Variants in DEFB110 observed in about 807,000 individuals in gnomAD.
The protein encoded by DEFB110 is beta-defensin 110.
In DEFB110, 4 loss-of-function variants were observed where a neutral mutation model predicts 2.5. The observed-to-expected ratio is 1.60, with a 90% CI of 0.79 to 3.66. The LOEUF (loss-of-function observed/expected upper bound fraction) is 3.66. Ranked by LOEUF, DEFB110 falls within the 30% of genes most tolerant of loss-of-function variation. The pLI, the probability that DEFB110 is intolerant of heterozygous loss-of-function variation, is 0.01. For synonymous variants in DEFB110, 29 were observed against 21.8 expected, an observed-to-expected ratio of 1.33 and a Z score of -0.92; for missense variants, 94 against 75.4, an observed-to-expected ratio of 1.25 and a Z score of -0.91.
intron 1 of DEFB110, among the ~76,000 whole-genome samples, chr6:50,020,376 T>A (rs555460309): frequency 6.6e-6 from 1 of 152,118 alleles, no homozygotes; most frequent in Non-Finnish European, 1.5e-5. Flanking sequence ...AGTCAAAATT[T>A]TTTTATTTTA....
At chr6:50,009,528 T>C (rs1005575995) in intron 1 of DEFB110, among the ~76,000 whole-genome samples, 1 of 152,200 alleles carries the variant, frequency 6.6e-6, no homozygotes, top group African/African-American at 2.4e-5. Flanking sequence ...TGGCTCAGTC[T>C]ACAGTAACAA....
intron 1 of DEFB110, among the ~76,000 whole-genome samples, chr6:50,009,554 C>G (rs540701763): frequency 1.2e-4 from 19 of 152,262 alleles, no homozygotes; most frequent in Admixed American, 3.9e-4. Context: ...AAGTGACACA[C>G]AATTTGGTAC....
intron 1 of DEFB110, 65 bp downstream of exon 1, chr6:50,021,816 T>C (rs1774422458): frequency 1.4e-5 from 20 of 1,428,942 alleles, no homozygotes; most frequent in Non-Finnish European, 1.8e-5. Flanking sequence ...ATATTTTTTA[T>C]CAAGAAACAA....
chr6:50,014,296 G>T (rs1476005224), downstream of DEFB110, among the ~76,000 whole-genome samples: 4 of 151,750 alleles, frequency 2.6e-5, no homozygotes, highest in East Asian at 7.7e-4. Context: ...AATTTATGGT[G>T]GGAAGAGTGT....
downstream of DEFB110, among the ~76,000 whole-genome samples, chr6:50,016,564 G>T (rs1774320339): frequency 6.6e-6 from 1 of 151,604 alleles, no homozygotes; most frequent in Middle Eastern, 3.4e-3. Context: ...CCTTCCTTTT[G>T]TTAATAAATT....
exon 2 of DEFB110, chr6:50,009,220 C>T (rs757950591): frequency 4.4e-6 from 7 of 1,608,390 alleles, no homozygotes; most frequent in Admixed American, 3.4e-5. Context: ...ACATATTCCT[C>T]TCACTTTTTC....
At chr6:50,013,404 G>A (rs924211317) in intron 1 of DEFB110, among the ~76,000 whole-genome samples, 1 of 151,902 alleles carries the variant, frequency 6.6e-6, no homozygotes, top group Admixed American at 6.6e-5. Context: ...TGACCTTTTA[G>A]CACAATAGAA....
downstream of DEFB110, among the ~76,000 whole-genome samples, chr6:50,014,074 GGAAAAGGGATTCAGA>G (rs1774275128): frequency 6.6e-6 from 1 of 151,672 alleles, no homozygotes; most frequent in African/African-American, 2.4e-5. Flanking sequence ...CAAAATAAGA[GGAAAAGGGATTCAGA>G]GACAACACAT....
intron 1 of DEFB110, 146 bp downstream of exon 1, chr6:50,021,735 G>T: frequency 1.3e-6 from 1 of 768,050 alleles, no homozygotes. Context: ...TTTATTATCT[G>T]TTCTGGAGTC....
chr6:50,016,213 T>A, downstream of DEFB110, among the ~76,000 whole-genome samples: 1 of 151,808 alleles, frequency 6.6e-6, no homozygotes, highest in East Asian at 1.9e-4. Flanking sequence ...CTAGTTCACG[T>A]GAGAATTTGA....
rs985777800 is a variant in DEFB110, at chr6:50,021,899, A to C, written c.37T>G (p.Trp13Gly). The C allele has an allele frequency of 4.5e-6, 7 of 1,558,528 alleles. No individual in the cohort carries two copies. Among genetic ancestry groups the C allele is most frequent in the African/African-American group, 2.8e-5 (2 of 70,942 alleles). ...IQLFFFILHFWVTILPAKKKY... is the reference protein window; with the variant it reads ...IQLFFFILHFGVTILPAKKKY... ...ATATTACCTGGTAAAATTGTGACCC[A>C]AAAGTGCAGAATAAAGAAAAAAAGT... is the stretch of plus-strand genomic sequence containing the variant. The change falls in exon 1 of 2, where the codon TGG (tryptophan) becomes GGG (glycine). Residue 13 changes from tryptophan to glycine, a missense_variant. Coordinates refer to ENST00000371148, the MANE Select transcript of DEFB110 (RefSeq NM_001037497.2).
intron 1 of DEFB110, among the ~76,000 whole-genome samples, chr6:50,020,981 C>G (rs981281482): frequency 2.0e-5 from 3 of 152,034 alleles, no homozygotes; most frequent in Admixed American, 6.6e-5. Context: ...TGACCCCACC[C>G]CTTCTCTTAT....
At chr6:50,011,593 C>T (rs903018679) in intron 1 of DEFB110, among the ~76,000 whole-genome samples, 5 of 152,016 alleles carry the variant, frequency 3.3e-5, no homozygotes, top group South Asian at 2.1e-4. Context: ...AGCTTAAAAG[C>T]GCAGTGGTCT....
Position 50,018,937 on chromosome 6 carries a change from C to T in DEFB110, c.*40G>A. On this transcript the variant is annotated 3_prime_UTR_variant, in exon 2 of 2. Transcript: ENST00000371148. ...GCTGGGAAAACTTAATAACGCTGGT[C>T]TCTCTTCTTGGAGCTTGTGACTCTT... 1 of 1,584,174 alleles carries T rather than the reference C, an allele frequency of 6.3e-7. No homozygotes were observed. The highest frequency in any genetic ancestry group is 1.4e-5 in the African/African-American group (1 of 73,892).
intron 1 of DEFB110, among the ~76,000 whole-genome samples, chr6:50,013,725 A>C (rs2113938574): frequency 6.6e-6 from 1 of 151,978 alleles, no homozygotes; most frequent in Non-Finnish European, 1.5e-5. Context: ...CCAATAGATA[A>C]GTTTTGGATT....
rs887946667 is a variant in DEFB110, at chr6:50,019,021, C to A, written c.160G>T (p.Ala54Ser). ...NQCHENEIRI[A>S]YCIRPGTHCC... The stretch of plus-strand genomic sequence containing the variant: ...TGAGTTCCAGGTCTTATGCAGTAAG[C>A]AATCCTAATTTCATTTTCATGACAC... Residue 54 changes from alanine to serine, a missense_variant, in exon 2 of 2, where the codon GCT becomes TCT. Transcript: ENST00000371148. 3.1e-6 allele frequency: 5 copies of A among 1,612,996 alleles called. No homozygotes were observed. The highest frequency in any genetic ancestry group is 1.7e-5 in the Admixed American group (1 of 59,898).
chr6:50,015,383 C>T (rs928985923), downstream of DEFB110, among the ~76,000 whole-genome samples: 1 of 151,750 alleles, frequency 6.6e-6, no homozygotes, highest in Non-Finnish European at 1.5e-5. Flanking sequence ...TCTTTTCTAG[C>T]TCCTAAAAAT....
exon 2 of DEFB110, chr6:50,009,168 G>A (rs747966795): frequency 1.2e-6 from 2 of 1,610,466 alleles, no homozygotes; most frequent in Non-Finnish European, 1.7e-6. Flanking sequence ...TCCATTTAAT[G>A]CAGTATCCAT....
intron 1 of DEFB110, among the ~76,000 whole-genome samples, chr6:50,011,115 A>G (rs1358117439): frequency 6.6e-6 from 1 of 151,702 alleles, no homozygotes; most frequent in Non-Finnish European, 1.5e-5. Context: ...TAAATTATGA[A>G]TGAAAATAAC....
Sources: allele counts gnomAD v4.1 joint callset (sites outside exome capture counted in the v4.1 genomes callset), GRCh38; gene constraint gnomAD v4.1.1; transcripts MANE v1.5; gene names NCBI Gene and HGNC (gene_info 2026-07-23, HGNC 2026-07-21).